CDH4: variants seen among roughly 807,000 people sequenced by gnomAD.
CDH4 encodes the protein cadherin-4.
Under a neutral mutation model 86.0 loss-of-function variants are expected in CDH4, and 33 were observed. The observed-to-expected ratio is 0.38, with a 90% CI of 0.29 to 0.51. CDH4 has a LOEUF of 0.51. Ranked by LOEUF, CDH4 falls within the 20% of genes least tolerant of loss-of-function variation. The pLI, the probability that CDH4 is intolerant of heterozygous loss-of-function variation, is 0.86. For missense variants in CDH4, 1,114 were observed against 1,307.4 expected (o/e 0.85, Z 2.28); for synonymous variants, 555 against 549.4 (o/e 1.01, Z -0.14).
chr20:61,316,814 C>T (rs1052418500), intron 2 of CDH4, among the ~76,000 whole-genome samples: 1 of 152,114 alleles, frequency 6.6e-6, no homozygotes, highest in East Asian at 1.9e-4. Flanking sequence ...GAGCTGGGGC[C>T]TGGCCACCCT....
chr20:61,619,635 G>A (rs548866536), intron 2 of CDH4, among the ~76,000 whole-genome samples: 59 of 152,268 alleles, frequency 3.9e-4, no homozygotes, highest in Middle Eastern at 3.4e-3. Context: ...GGCTCTCCTG[G>A]TCTCCATTCT....
intron 2 of CDH4, among the ~76,000 whole-genome samples, chr20:61,728,721 G>A (rs562854605): frequency 6.6e-5 from 10 of 152,344 alleles, no homozygotes; most frequent in Non-Finnish European, 1.3e-4. Flanking sequence ...ACGGATGAAT[G>A]TATGAGTGAA....
chr20:61,874,081 C>T (rs1352289903), intron 7 of CDH4, among the ~76,000 whole-genome samples, 181 bp downstream of exon 7: 1 of 152,204 alleles, frequency 6.6e-6, no homozygotes, highest in Non-Finnish European at 1.5e-5. Context: ...TCAGCACCGG[C>T]TGCTATGAGC....
chr20:61,316,672 G>A (rs1200232988), intron 2 of CDH4, among the ~76,000 whole-genome samples: 3 of 152,214 alleles, frequency 2.0e-5, no homozygotes. Context: ...CAAACAGATT[G>A]GTTAATTGGT....
At chr20:61,918,677 G>A (rs2054932285) in intron 9 of CDH4, among the ~76,000 whole-genome samples, 1 of 152,264 alleles carries the variant, frequency 6.6e-6, no homozygotes, top group African/African-American at 2.4e-5. Context: ...CCTAAGCGTG[G>A]TGTCGCGGTG....
At chr20:61,349,686 G>T (rs2084698683) in intron 2 of CDH4, among the ~76,000 whole-genome samples, 1 of 152,188 alleles carries the variant, frequency 6.6e-6, no homozygotes, top group Non-Finnish European at 1.5e-5. Flanking sequence ...GCCCCGTGAG[G>T]CACGCCCTTG....
chr20:61,699,804 C>T (rs991364776), intron 2 of CDH4, among the ~76,000 whole-genome samples: 3 of 125,158 alleles, frequency 2.4e-5, no homozygotes, highest in East Asian at 1.9e-4. Context: ...GGGCTTTCAC[C>T]GCTGACCCGG....
At position 61,932,636 on chromosome 20, in the gene CDH4, C is replaced by T. The variant is rs113198477; in HGVS notation, c.2240-349C>T. 7.1e-3 allele frequency among the ~76,000 whole-genome samples: 1,076 copies of T among 152,316 alleles called. 12 individuals are homozygous for T. Among genetic ancestry groups the T allele is most frequent in the African/African-American group, 0.024 (985 of 41,564 alleles). On this transcript the variant is annotated intron_variant, in intron 13 of 15. Transcript: ENST00000614565. ...ACGCATGTGCAAGCCTTCATACACA[C>T]GTCCTCCTGCAGATACACGTATGCA... is the stretch of plus-strand genomic sequence containing the variant.
intron 2 of CDH4, among the ~76,000 whole-genome samples, chr20:61,360,780 G>T (rs1337993307): frequency 2.0e-5 from 3 of 152,306 alleles, no homozygotes; most frequent in Middle Eastern, 3.4e-3. Flanking sequence ...GTCAAAAGCA[G>T]TCAGATGATC....
At chr20:61,512,760 C>G (rs866543007) in intron 2 of CDH4, among the ~76,000 whole-genome samples, 7 of 152,314 alleles carry the variant, frequency 4.6e-5, no homozygotes, top group African/African-American at 1.4e-4. Flanking sequence ...GACAAGCACG[C>G]ACATCCCAGG....
At chr20:61,607,347 T>G (rs1243225336) in intron 2 of CDH4, among the ~76,000 whole-genome samples, 2 of 152,212 alleles carry the variant, frequency 1.3e-5, no homozygotes, top group African/African-American at 4.8e-5. Flanking sequence ...TAGATTTTCT[T>G]TTTAATTCAG....
At chr20:61,786,016 T>G (rs871752) in intron 4 of CDH4, among the ~76,000 whole-genome samples, 21,000 of 152,142 alleles carry the variant, frequency 0.14, 1,868 homozygotes, top group East Asian at 0.35. Context: ...AAGTGGACTG[T>G]GGAAATCTCC....
chr20:61,706,899 G>C (rs538194171), intron 2 of CDH4, among the ~76,000 whole-genome samples: 7 of 152,254 alleles, frequency 4.6e-5, no homozygotes, highest in African/African-American at 1.7e-4. Context: ...AATCCCCGCA[G>C]AGGGCTGAAG....
At chr20:61,842,367 A>G (rs1982215137) in intron 4 of CDH4, among the ~76,000 whole-genome samples, 1 of 152,192 alleles carries the variant, frequency 6.6e-6, no homozygotes, top group Admixed American at 6.5e-5. Context: ...CTGCATTTCA[A>G]GGTCTGCAAG....
At chr20:61,512,953 G>C (rs1316568795) in intron 2 of CDH4, among the ~76,000 whole-genome samples, 2 of 152,236 alleles carry the variant, frequency 1.3e-5, no homozygotes, top group African/African-American at 4.8e-5. Context: ...ATGAAAATCT[G>C]ATTGTTAACA....
chr20:61,758,828 G>A (rs372442315), intron 3 of CDH4, among the ~76,000 whole-genome samples: 1 of 152,172 alleles, frequency 6.6e-6, no homozygotes, highest in East Asian at 1.9e-4. Flanking sequence ...GGCGTGGTGC[G>A]GGGCAGGCAC....
At chr20:61,839,427 ATGTG>A (rs1295810919) in intron 4 of CDH4, among the ~76,000 whole-genome samples, 3 of 147,234 alleles carry the variant, frequency 2.0e-5, no homozygotes, top group East Asian at 4.1e-4. Context: ...TGTGTGTGTG[ATGTG>A]TGTGTTTGTG....
chr20:61,782,890 C>A (rs988857557), intron 4 of CDH4, among the ~76,000 whole-genome samples: 2 of 152,294 alleles, frequency 1.3e-5, no homozygotes, highest in Non-Finnish European at 1.5e-5. Context: ...TCAAGACCAG[C>A]CTGACCAACA....
chr20:61,705,456 C>A (rs1476826208), intron 2 of CDH4, among the ~76,000 whole-genome samples: 1 of 152,212 alleles, frequency 6.6e-6, no homozygotes, highest in Non-Finnish European at 1.5e-5. Context: ...TGGGTCTAAC[C>A]CCTCAGTGTG....
Sources: allele counts gnomAD v4.1 joint callset (sites outside exome capture counted in the v4.1 genomes callset), GRCh38; gene constraint gnomAD v4.1.1; transcripts MANE v1.5; gene names NCBI Gene and HGNC (gene_info 2026-07-23, HGNC 2026-07-21).